SAXO5: variants seen among roughly 807,000 people sequenced by gnomAD.
SAXO5 encodes stabilizer of axonemal microtubules 5, also known as testis expressed 45.
chr19:7,499,478 G>C, the SAXO5 span, among the ~76,000 whole-genome samples: 1 of 152,080 alleles, frequency 6.6e-6, no homozygotes, highest in African/African-American at 2.4e-5. Context: ...GAACAAAAAT[G>C]GGTCCCCCAG....
At chr19:7,504,986 TTC>T in the SAXO5 span, among the ~76,000 whole-genome samples, 1 of 137,362 alleles carries the variant, frequency 7.3e-6, no homozygotes, top group Non-Finnish European at 1.5e-5. Context: ...CTTTTTTTTT[TTC>T]TTTTTTTTTT....
chr19:7,500,509 C>T, the SAXO5 span, among the ~76,000 whole-genome samples: 3 of 152,000 alleles, frequency 2.0e-5, no homozygotes, highest in Admixed American at 6.6e-5. Context: ...AGGGTTTCAC[C>T]ACGTTGGCCA....
At chr19:7,505,731 G>T in the SAXO5 span, 2 of 1,136,412 alleles carry the variant, frequency 1.8e-6, no homozygotes, top group Non-Finnish European at 2.6e-6. Context: ...ATGTATGCAG[G>T]AATCTCCTGG....
chr19:7,498,213 TTTTC>T, the SAXO5 span, among the ~76,000 whole-genome samples: 21 of 149,642 alleles, frequency 1.4e-4, no homozygotes, highest in Non-Finnish European at 2.1e-4. Flanking sequence ...TTCATCCATG[TTTTC>T]TTTCTATTTT....
At chr19:7,505,594 C>G in the SAXO5 span, 2 of 1,614,196 alleles carry the variant, frequency 1.2e-6, no homozygotes, top group Non-Finnish European at 1.7e-6. Context: ...CCCCGGCAGT[C>G]TGGACACCTT....
chr19:7,499,946 G>GTGTGTGTGTGTGTGTGTGTGTGTGTGTA, the SAXO5 span: 2 of 150,786 alleles, frequency 1.3e-5, no homozygotes, highest in African/African-American at 5.0e-5. Context: ...GTGTGTGTGT[G>GTGTGTGTGTGTGTGTGTGTGTGTGTGTA]TGTGTGTGTG....
the SAXO5 span, chr19:7,505,481 C>G: frequency 1.9e-6 from 3 of 1,613,634 alleles, no homozygotes; most frequent in African/African-American, 4.0e-5. Context: ...ACCGCAGCCT[C>G]CCAGGGCAGC....
chr19:7,500,580 G>T, the SAXO5 span, among the ~76,000 whole-genome samples: 20 of 152,174 alleles, frequency 1.3e-4, no homozygotes, highest in Non-Finnish European at 2.5e-4. Flanking sequence ...AAAGTGCTGA[G>T]ATTACAGGCG....
the SAXO5 span, chr19:7,501,226 C>T: frequency 2.6e-6 from 4 of 1,550,600 alleles, no homozygotes; most frequent in Non-Finnish European, 3.4e-6. Flanking sequence ...TACGGCTGGC[C>T]CGAGCTGCCG....
At chr19:7,503,318 G>T in the SAXO5 span, among the ~76,000 whole-genome samples, 7 of 151,992 alleles carry the variant, frequency 4.6e-5, no homozygotes, top group Non-Finnish European at 7.4e-5. Context: ...AGTGAGTCAA[G>T]ATTGTGCCAC....
the SAXO5 span, chr19:7,505,285 C>T: frequency 6.2e-7 from 1 of 1,602,736 alleles, no homozygotes; most frequent in Non-Finnish European, 8.5e-7. Context: ...GCCCAGCCCA[C>T]TTTACCTTAT....
At chr19:7,505,980 A>G in the SAXO5 span, 2 of 1,586,156 alleles carry the variant, frequency 1.3e-6, no homozygotes. Flanking sequence ...CCCCCGACCC[A>G]GCCACCCAGC....
the SAXO5 span, chr19:7,508,078 C>A: frequency 1.4e-6 from 1 of 704,720 alleles, no homozygotes; most frequent in South Asian, 1.8e-5. Context: ...CTGGCTCCGC[C>A]CCGACCAGCT....
the SAXO5 span, among the ~76,000 whole-genome samples, chr19:7,498,706 T>A: frequency 1.3e-5 from 2 of 152,168 alleles, no homozygotes; most frequent in Non-Finnish European, 2.9e-5. Flanking sequence ...ATCCATGTTT[T>A]CTAAATAGGT....
At chr19:7,504,098 C>CG in the SAXO5 span, 8 of 1,536,902 alleles carry the variant, frequency 5.2e-6, no homozygotes, top group Middle Eastern at 5.1e-4. Flanking sequence ...CTCTCTCCCC[C>CG]CATCCCCCTT....
the SAXO5 span, chr19:7,506,054 C>T: frequency 6.2e-7 from 1 of 1,613,812 alleles, no homozygotes; most frequent in Admixed American, 1.7e-5. Flanking sequence ...GCTACTCAAA[C>T]GCTTCTTCAA....
the SAXO5 span, chr19:7,507,170 C>T: frequency 6.4e-7 from 1 of 1,565,184 alleles, no homozygotes; most frequent in African/African-American, 1.3e-5. Flanking sequence ...AGCCACCCAT[C>T]ATTAGGCAAC....
chr19:7,501,962 AC>A, the SAXO5 span, among the ~76,000 whole-genome samples: 435 of 148,692 alleles, frequency 2.9e-3, 2 homozygotes, highest in South Asian at 0.017. Context: ...TGGCGAGGCC[AC>A]CCGCGGTGGC....
At chr19:7,504,471 G>C in the SAXO5 span, 5 of 1,376,984 alleles carry the variant, frequency 3.6e-6, no homozygotes, top group Non-Finnish European at 5.2e-6. Flanking sequence ...ACTTTGGGAG[G>C]CTGAGGCAGA....
Sources: gnomAD v4.1 joint callset for allele counts (sites outside exome capture counted in the v4.1 genomes callset) on GRCh38, gnomAD v4.1.1 for gene constraint, MANE v1.5 for transcripts, NCBI Gene and HGNC (gene_info 2026-07-23, HGNC 2026-07-21) for gene names.